PIWIL4: variants seen among roughly 807,000 people sequenced by gnomAD.
PIWIL4 encodes the protein piwi like RNA-mediated gene silencing 4, also known as piwi-like protein 4.
A neutral mutation model predicts 100.9 loss-of-function variants in PIWIL4; 50 were observed. The ratio of observed to expected loss-of-function variants is 0.50; its 90% CI spans 0.39 to 0.63. The LOEUF (loss-of-function observed/expected upper bound fraction) is 0.63, where lower values mean the gene tolerates loss of function less well. PIWIL4 is among the 20% of genes least tolerant of loss of function. PIWIL4 has a pLI of 0.00. For synonymous variants in PIWIL4, 342 were observed against 367.5 expected, an observed-to-expected ratio of 0.93 and a Z score of 0.79; for missense variants, 887 against 1,043.3, an observed-to-expected ratio of 0.85 and a Z score of 2.06.
intron 13 of PIWIL4, among the ~76,000 whole-genome samples, 195 bp from the exon 14 acceptor site, chr11:94,607,244 C>T (rs937475918): frequency 1.3e-5 from 2 of 152,088 alleles, no homozygotes; most frequent in Admixed American, 6.5e-5. Context: ...AATGAGAAGG[C>T]ATTTCAAATG....
chr11:94,589,430 A>G (rs1948451066), intron 8 of PIWIL4, among the ~76,000 whole-genome samples, 198 bp downstream of exon 8: 1 of 152,030 alleles, frequency 6.6e-6, no homozygotes, highest in Non-Finnish European at 1.5e-5. Flanking sequence ...TTCTTCCTGT[A>G]GTCTGAGTAA....
intron 13 of PIWIL4, among the ~76,000 whole-genome samples, chr11:94,604,887 A>C (rs141499203): frequency 1.3e-5 from 2 of 152,164 alleles, no homozygotes; most frequent in African/African-American, 4.8e-5. Flanking sequence ...ACTCTAAAGG[A>C]TCTTATATGA....
Position 94,618,075 on chromosome 11 carries a change from G to A in PIWIL4, c.2136G>A (p.Leu712=). The A allele has an allele frequency of 1.2e-5, 19 of 1,593,946 alleles. No homozygotes were observed. The highest frequency in any genetic ancestry group is 1.6e-5 in the Non-Finnish European group (19 of 1,167,144). ...TTGAATATGAAGTCCCACAGCTGCT[G>A]AGCAGTGTGGCAGAATCCAGCTCAA... ...TLIEYEVPQL[L]SSVAESSSNT... Residue 712 remains leucine, a synonymous_variant, in exon 17 of 20, where the codon CTG becomes CTA. Coordinates refer to ENST00000299001, the MANE Select transcript of PIWIL4 (RefSeq NM_152431.3).
chr11:94,614,298 TTC>T (rs985936185), intron 15 of PIWIL4, among the ~76,000 whole-genome samples: 3 of 119,520 alleles, frequency 2.5e-5, no homozygotes, highest in Non-Finnish European at 3.5e-5. Context: ...GATTTTTCTT[TTC>T]TTTTTTTTTT....
intron 13 of PIWIL4, among the ~76,000 whole-genome samples, chr11:94,604,773 G>A (rs780479689): frequency 2.0e-4 from 30 of 151,950 alleles, no homozygotes; most frequent in South Asian, 4.1e-4. Flanking sequence ...TACCTCCCTC[G>A]CTCACTCAGT....
At position 94,595,668 on chromosome 11, in the gene PIWIL4, A is replaced by G. The variant is rs145015894; in HGVS notation, c.1268+242A>G. On this transcript the variant is annotated intron_variant, in intron 10 of 19. Transcript: ENST00000299001. Reference sequence around the variant, plus strand: ...TTACCTCCATGCCCTGCTTTCATCTATTTCATACATTGAAGTCTGGATAAA... The same window carrying G: ...TTACCTCCATGCCCTGCTTTCATCTGTTTCATACATTGAAGTCTGGATAAA... Among the ~76,000 whole-genome samples, 489 of 152,326 alleles carry G rather than the reference A, an allele frequency of 3.2e-3. 3 individuals are homozygous for G. Among genetic ancestry groups the G allele is most frequent in the African/African-American group, 0.011 (462 of 41,564 alleles).
At chr11:94,595,463 GT>G in intron 10 of PIWIL4, 37 bp downstream of exon 10, 2 of 1,519,946 alleles carry the variant, frequency 1.3e-6, no homozygotes, top group Non-Finnish European at 9.1e-7. Flanking sequence ...CTGGGGCTGA[GT>G]TTTTAGTATT....
chr11:94,587,711 C>T (rs1299556791), intron 7 of PIWIL4, among the ~76,000 whole-genome samples: 1 of 152,182 alleles, frequency 6.6e-6, no homozygotes, highest in African/African-American at 2.4e-5. Flanking sequence ...TTATGGCTAC[C>T]TTGTTGTGGC....
chr11:94,621,064 T>A lies in PIWIL4; in HGVS notation c.*72T>A. On this transcript the variant is annotated 3_prime_UTR_variant, in exon 20 of 20. Coordinates refer to ENST00000299001, the MANE Select transcript of PIWIL4 (RefSeq NM_152431.3). ...TGGTATACTTTGTGCAAATCTGCCA[T>A]AAGCTCAAGGCTGTGACTGGGGAAA... The A allele has an allele frequency of 9.0e-7, 1 of 1,113,654 alleles. No individual in the cohort carries two copies. The highest frequency in any genetic ancestry group is 1.4e-6 in the Non-Finnish European group (1 of 737,864). The allele number at this position is 1,113,654 out of a possible 1,614,324, so 69.0% of individuals were successfully genotyped here.
rs951325723 is a variant in PIWIL4 at position 94,567,381 on chromosome 11, C to T, written c.-138C>T. 2.7e-6 allele frequency: 2 copies of T among 747,862 alleles called. No homozygotes were observed. The highest frequency in any genetic ancestry group is 2.9e-5 in the East Asian group (1 of 34,124). The allele number at this position is 747,862 out of a possible 1,614,324, so 46.3% of individuals were successfully genotyped here. A position where few individuals can be genotyped will look rare whatever the true frequency, so the allele number is the denominator to read the frequency against. ...CGGGCCTCGGACGCATTTCCAGCCCCGGCGTTGGTTGTGGATGCTGGACAT... is the reference window on the plus strand; with the variant it reads ...CGGGCCTCGGACGCATTTCCAGCCCTGGCGTTGGTTGTGGATGCTGGACAT... On this transcript the variant is annotated 5_prime_UTR_variant, in exon 1 of 20. Coordinates refer to ENST00000299001, the MANE Select transcript of PIWIL4 (RefSeq NM_152431.3).
At chr11:94,613,328 T>C (rs1433176908) in intron 15 of PIWIL4, among the ~76,000 whole-genome samples, 2 of 152,232 alleles carry the variant, frequency 1.3e-5, no homozygotes, top group Non-Finnish European at 1.5e-5. Flanking sequence ...AATCTGCTGA[T>C]AGCCTATGAG....
intron 2 of PIWIL4, among the ~76,000 whole-genome samples, chr11:94,571,063 T>C (rs1324769018): frequency 6.6e-6 from 1 of 152,210 alleles, no homozygotes; most frequent in Non-Finnish European, 1.5e-5. Context: ...ATCTCATGTC[T>C]GACTCTGCTG....
intron 12 of PIWIL4, among the ~76,000 whole-genome samples, 187 bp from the exon 13 acceptor site, chr11:94,603,797 C>T (rs1026235149): frequency 1.4e-4 from 21 of 152,032 alleles, no homozygotes; most frequent in Admixed American, 5.2e-4. Context: ...AAAATTATTG[C>T]GAAATGTTTT....
chr11:94,619,597 A>G (rs1329445414), intron 17 of PIWIL4, among the ~76,000 whole-genome samples, 163 bp from the exon 18 acceptor site: 1 of 152,198 alleles, frequency 6.6e-6, no homozygotes. Context: ...AAAAAATTGT[A>G]TGTATCTCTA....
rs754008715 is a variant in PIWIL4 at position 94,587,039 on chromosome 11, T to C, written c.717-11T>C. 1.3e-5 allele frequency: 21 copies of C among 1,590,736 alleles called. 1 individual carries two copies. The Middle Eastern group carries it at 3.0e-3, about 227-fold the overall frequency. ...TGACAATATTCCTTTTTTTCTTTTT[T>C]GTTTTTAAAGATTATCCCTTTGGCC... On this transcript the variant is annotated splice_polypyrimidine_tract_variant and intron_variant, in intron 6 of 19. Coordinates refer to ENST00000299001, the MANE Select transcript of PIWIL4 (RefSeq NM_152431.3).
chr11:94,577,668 T>A (rs1948256902), intron 4 of PIWIL4, among the ~76,000 whole-genome samples, 176 bp downstream of exon 4: 1 of 152,174 alleles, frequency 6.6e-6, no homozygotes, highest in Non-Finnish European at 1.5e-5. Flanking sequence ...TTTACCAAGG[T>A]CAAGACACTT....
chr11:94,581,759 A>G (rs943739221), intron 4 of PIWIL4, among the ~76,000 whole-genome samples: 2 of 152,218 alleles, frequency 1.3e-5, no homozygotes, highest in Non-Finnish European at 2.9e-5. Context: ...TGTGCAATGG[A>G]TGGAAGTAAA....
chr11:94,582,858 C>G (rs1032676659), intron 4 of PIWIL4, among the ~76,000 whole-genome samples: 4 of 152,098 alleles, frequency 2.6e-5, no homozygotes, highest in Non-Finnish European at 5.9e-5. Flanking sequence ...TTTATCCTCT[C>G]TCCTTTCTTT....
intron 11 of PIWIL4, among the ~76,000 whole-genome samples, chr11:94,601,551 G>A (rs1260830006): frequency 6.6e-6 from 1 of 152,224 alleles, no homozygotes; most frequent in Non-Finnish European, 1.5e-5. Flanking sequence ...AGAGAATCAT[G>A]AGGTTAAAGG....
Sources: allele counts gnomAD v4.1 joint callset (sites outside exome capture counted in the v4.1 genomes callset), GRCh38; gene constraint gnomAD v4.1.1; transcripts MANE v1.5; gene names NCBI Gene and HGNC (gene_info 2026-07-23, HGNC 2026-07-21).